The following COX10 variants were observed in gnomAD, a reference collection of about 807,000 sequenced individuals.
COX10 encodes cytochrome c oxidase assembly factor heme A:farnesyltransferase COX10.
In COX10, 27 loss-of-function variants were observed where a neutral mutation model predicts 37.3. That is an observed-to-expected ratio of 0.72 (90% CI 0.53 to 1.00). The LOEUF is 1.00. Among genes scored for constraint, COX10 ranks in the 50% least tolerant of loss-of-function variants. The pLI, the probability that COX10 is intolerant of heterozygous loss-of-function variation, is 0.00. For missense variants in COX10, 475 were observed against 563.2 expected, an observed-to-expected ratio of 0.84 and a Z score of 1.59; for synonymous variants, 222 against 229.1, an observed-to-expected ratio of 0.97 and a Z score of 0.28.
At chr17:14,113,172 T>C (rs552899836) in intron 4 of COX10, among the ~76,000 whole-genome samples, 117 of 152,296 alleles carry the variant, frequency 7.7e-4, no homozygotes, top group African/African-American at 2.7e-3. Flanking sequence ...CAACAGACAT[T>C]TCAGTTGACC....
At chr17:14,122,589 G>A (rs996540051) in intron 4 of COX10, among the ~76,000 whole-genome samples, 1 of 152,032 alleles carries the variant, frequency 6.6e-6, no homozygotes, top group Non-Finnish European at 1.5e-5. Flanking sequence ...TGAAGTCTTG[G>A]TTGGTGGCAG....
chr17:14,192,494 G>A (rs1906237164), intron 6 of COX10, among the ~76,000 whole-genome samples: 2 of 152,162 alleles, frequency 1.3e-5, no homozygotes, highest in African/African-American at 2.4e-5. Context: ...ACTACAGGTG[G>A]ATAAAGAAAG....
intron 6 of COX10, among the ~76,000 whole-genome samples, chr17:14,193,292 T>C (rs536238741): frequency 9.3e-4 from 141 of 152,184 alleles, no homozygotes; most frequent in Middle Eastern, 3.4e-3. Flanking sequence ...TTTCTGCCAC[T>C]GTCTCCTCAT....
chr17:14,082,091 G>A (rs550493249), intron 3 of COX10, among the ~76,000 whole-genome samples: 16 of 152,254 alleles, frequency 1.1e-4, no homozygotes, highest in African/African-American at 3.1e-4. Context: ...GTGAGGTCAC[G>A]GTAGTAAATG....
intron 6 of COX10, among the ~76,000 whole-genome samples, chr17:14,204,505 C>A (rs1446232040): frequency 6.6e-6 from 1 of 151,982 alleles, no homozygotes; most frequent in East Asian, 1.9e-4. Flanking sequence ...ACATCCTGTC[C>A]CTTTTGCCTC....
chr17:14,088,160 T>A (rs1483716769), intron 3 of COX10, among the ~76,000 whole-genome samples: 1 of 152,152 alleles, frequency 6.6e-6, no homozygotes, highest in Admixed American at 6.6e-5. Flanking sequence ...CATATTTATT[T>A]CCCATATTTA....
intron 4 of COX10, among the ~76,000 whole-genome samples, chr17:14,139,445 C>T (rs1007668354): frequency 1.3e-5 from 2 of 152,082 alleles, no homozygotes; most frequent in African/African-American, 4.8e-5. Context: ...AAACTAAACC[C>T]ATAGCTGAGA....
In COX10 at chr17:14,174,624, T is replaced by A. The variant is rs576076996; in HGVS notation, c.695+14677T>A. 2.0e-5 allele frequency among the ~76,000 whole-genome samples: 3 copies of A among 152,158 alleles called. No individual in the cohort carries two copies. In the East Asian group the frequency reaches 5.8e-4, roughly 29 times the overall value. On this transcript the variant is annotated intron_variant, in intron 5 of 6. Coordinates refer to ENST00000261643, the MANE Select transcript of COX10 (RefSeq NM_001303.4). ...ACACACCTATTAGCATAACTAACAT[T>A]TATTAAAAACAACAATACAGTGCTG... is the stretch of plus-strand genomic sequence containing the variant.
At chr17:14,073,820 A>T (rs1211612480) in intron 1 of COX10, among the ~76,000 whole-genome samples, 1 of 152,184 alleles carries the variant, frequency 6.6e-6, no homozygotes, top group African/African-American at 2.4e-5. Context: ...AGCCAAATTT[A>T]GATACAATAA....
chr17:14,117,778 G>T (rs957898586), intron 4 of COX10, among the ~76,000 whole-genome samples: 1 of 152,180 alleles, frequency 6.6e-6, no homozygotes, highest in Non-Finnish European at 1.5e-5. Flanking sequence ...AATCAGCTCA[G>T]TTAGACCTTC....
Position 14,114,591 on chromosome 17 carries a change from G to T in COX10, c.624+12349G>T, listed in dbSNP as rs573366131. Among the ~76,000 whole-genome samples the T allele has an allele frequency of 1.2e-4, 18 of 152,122 alleles. 1 individual carries two copies. The South Asian group carries it at 1.9e-3, about 16-fold the overall frequency. ...ACTACAAAGCCTCAAGTTGCCAGCG[G>T]GTGACATTAACACCGTAATCCTCTG... On this transcript the variant is annotated intron_variant, in intron 4 of 6. Coordinates refer to ENST00000261643, the MANE Select transcript of COX10 (RefSeq NM_001303.4).
At chr17:14,166,641 T>A (rs1905291022) in intron 5 of COX10, among the ~76,000 whole-genome samples, 1 of 110,082 alleles carries the variant, frequency 9.1e-6, no homozygotes, top group African/African-American at 2.9e-5. Context: ...TTTGAGACAG[T>A]CTTCCTCTCA....
At chr17:14,074,527 C>T (rs1915100503) in intron 2 of COX10, 71 bp downstream of exon 2, 1 of 1,405,306 alleles carries the variant, frequency 7.1e-7, no homozygotes, top group Middle Eastern at 1.8e-4. Context: ...TTCAGAAATT[C>T]CTATTTAATT....
chr17:14,084,314 A>G (rs2142187784), intron 3 of COX10, among the ~76,000 whole-genome samples: 1 of 152,236 alleles, frequency 6.6e-6, no homozygotes, highest in South Asian at 2.1e-4. Context: ...TTATATGACT[A>G]GTAAATATTT....
intron 4 of COX10, among the ~76,000 whole-genome samples, chr17:14,104,077 C>T (rs1915840775): frequency 6.6e-6 from 1 of 152,100 alleles, no homozygotes; most frequent in Non-Finnish European, 1.5e-5. Flanking sequence ...CCCACACAGC[C>T]CTCTGCAGTG....
rs1906741219 is a variant in COX10, at chr17:14,207,326, T to G, written c.*113T>G. The G allele has an allele frequency of 1.5e-6, 2 of 1,360,920 alleles. No individual in the cohort carries two copies. Among genetic ancestry groups the G allele is most frequent in the Non-Finnish European group, 1.9e-6 (2 of 1,037,190 alleles). The allele number at this position is 1,360,920 out of a possible 1,614,324, so 84.3% of individuals were successfully genotyped here. On this transcript the variant is annotated 3_prime_UTR_variant, in exon 7 of 7. Transcript: ENST00000261643. ...GGTTTAGAACAAGATTATAAACGAATTCGGTGCTCAGTGATCACTTGACAG... is the reference window on the plus strand; with the variant it reads ...GGTTTAGAACAAGATTATAAACGAAGTCGGTGCTCAGTGATCACTTGACAG...
chr17:14,110,939 T>A (rs1014344700), intron 4 of COX10, among the ~76,000 whole-genome samples: 5 of 152,272 alleles, frequency 3.3e-5, no homozygotes, highest in Admixed American at 6.5e-5. Context: ...ATTGGATGAT[T>A]CTGAATTCTA....
intron 5 of COX10, among the ~76,000 whole-genome samples, chr17:14,160,624 T>C (rs1905154435): frequency 6.6e-6 from 1 of 152,180 alleles, no homozygotes; most frequent in South Asian, 2.1e-4. Flanking sequence ...AGCTTAAAAT[T>C]TATTGTGATA....
chr17:14,145,787 CA>C (rs1904695332), intron 4 of COX10, among the ~76,000 whole-genome samples: 1 of 152,106 alleles, frequency 6.6e-6, no homozygotes, highest in African/African-American at 2.4e-5. Flanking sequence ...GGGAAGTAGT[CA>C]GGGGGCTGTT....
Sources: allele counts gnomAD v4.1 joint callset (sites outside exome capture counted in the v4.1 genomes callset), GRCh38; gene constraint gnomAD v4.1.1; transcripts MANE v1.5; gene names NCBI Gene and HGNC (gene_info 2026-07-23, HGNC 2026-07-21).